The following ECE1 variants were observed in gnomAD, a reference collection of about 807,000 sequenced individuals.
ECE1 encodes the protein endothelin-converting enzyme 1.
ECE1 carries 35 observed loss-of-function variants against 98.6 expected under a neutral mutation model. That is an observed-to-expected ratio of 0.35 (90% confidence interval 0.27 to 0.47). The LOEUF (loss-of-function observed/expected upper bound fraction) is 0.47, where lower values mean the gene tolerates loss of function less well. Among genes scored for constraint, ECE1 ranks in the 20% least tolerant of loss-of-function variants. ECE1 has a pLI of 1.00. For synonymous variants in ECE1, 394 were observed against 407.1 expected (o/e 0.97, Z 0.39); for missense variants, 814 against 1,025.3 (o/e 0.79, Z 2.81).
At position 21,255,939 on chromosome 1, in the gene ECE1, C is replaced by G; in HGVS notation, c.1020+8G>C. On this transcript the variant is annotated splice_region_variant and intron_variant, in intron 8 of 18. Coordinates refer to ENST00000374893, the MANE Select transcript of ECE1 (RefSeq NM_001397.3). ...CCCAGCCTCCCTAGCAGCCGGCGCT[C>G]AAGTTACCTGCAGCTCGGCTGCCGT... The G allele has an allele frequency of 1.2e-6, 2 of 1,613,918 alleles. No individual in the cohort carries two copies.
rs565982567 is a variant in ECE1 at position 21,256,179 on chromosome 1, C to CA, written c.829-42dup. ...CCCAAACTGTCAGTGGCTGCCCCCC[C>CA]ACTATCCACTGGACGAGAGTTGGTG... On this transcript the variant is annotated intron_variant, in intron 7 of 18. Coordinates refer to ENST00000374893, the MANE Select transcript of ECE1 (RefSeq NM_001397.3). The CA allele has an allele frequency of 2.1e-5, 33 of 1,570,320 alleles. No individual in the cohort carries two copies. The African/African-American group carries it at 4.2e-4, about 20-fold the overall frequency.
In ECE1 at chr1:21,279,178, C is replaced by G. The variant is rs28367937; in HGVS notation, c.280+13G>C. The G allele has an allele frequency of 1.9e-5, 30 of 1,614,010 alleles. No individual in the cohort carries two copies. The highest frequency in any genetic ancestry group is 2.5e-5 in the Non-Finnish European group (29 of 1,180,036). On this transcript the variant is annotated intron_variant, in intron 3 of 18. Transcript: ENST00000374893. ...AGTGAGTCAAGCCCACCATGCAACA[C>G]GAAGGCACCTACTTGTCTGGTACTG...
intron 1 of ECE1, among the ~76,000 whole-genome samples, chr1:21,315,941 C>G (rs574633025): frequency 6.6e-6 from 1 of 152,184 alleles, no homozygotes; most frequent in East Asian, 1.9e-4. Context: ...GCTGTAGGAC[C>G]TTAAGAATGG....
Position 21,345,490 on chromosome 1 carries a change from C to G in ECE1, c.-112G>C, listed in dbSNP as rs1639481873. The G allele has an allele frequency of 3.8e-6, 4 of 1,041,226 alleles. No individual in the cohort carries two copies. The African/African-American group carries it at 6.7e-5, about 17-fold the overall frequency. 64.5% of individuals were successfully genotyped at this position (1,041,226 alleles called of 1,614,324 possible). Reference sequence around the variant, plus strand: ...TGCTCGGACGGCTCGGCTGCCTGGCCCAGGCGGCGCGCTCAGCTCCAGCGG... The same window carrying G: ...TGCTCGGACGGCTCGGCTGCCTGGCGCAGGCGGCGCGCTCAGCTCCAGCGG... On this transcript the variant is annotated 5_prime_UTR_variant, in exon 1 of 19. Coordinates refer to the ECE1 transcript ENST00000415912. This position sits in a 1 kb window ranked among gnomAD's most constrained non-coding sequence, Gnocchi z 5.1.
At chr1:21,326,177 C>A (rs1257718266) in intron 1 of ECE1, among the ~76,000 whole-genome samples, 1 of 152,016 alleles carries the variant, frequency 6.6e-6, no homozygotes, top group Admixed American at 6.5e-5. Context: ...CCAGACTCAG[C>A]TGCCACACAG....
chr1:21,272,660 G>A (rs373024450), intron 4 of ECE1, 39 bp downstream of exon 4: 6 of 1,611,568 alleles, frequency 3.7e-6, no homozygotes, highest in African/African-American at 2.7e-5. Flanking sequence ...ACAGCTCCCC[G>A]CTGTGGCCCA....
At chr1:21,238,423 C>T in intron 10 of ECE1, 179 bp from the exon 11 acceptor site, 1 of 646,962 alleles carries the variant, frequency 1.5e-6, no homozygotes, top group Non-Finnish European at 2.8e-6. Flanking sequence ...ACCCTCACTC[C>T]CACCCCCTGC....
Position 21,258,661 on chromosome 1 carries a change from C to T in ECE1, c.762+32G>A. 1 of 1,614,030 alleles carries T rather than the reference C, an allele frequency of 6.2e-7. No individual in the cohort carries two copies. The highest frequency in any genetic ancestry group is 8.5e-7 in the Non-Finnish European group (1 of 1,179,968). On this transcript the variant is annotated intron_variant, in intron 6 of 18. Coordinates refer to ENST00000374893, the MANE Select transcript of ECE1 (RefSeq NM_001397.3). The surrounding 1 kb of genome is among the most constrained non-coding windows in gnomAD (Gnocchi z 4.2). Reference sequence around the variant, plus strand: ...AAAACAGGAAGAGGTCGTGCCCGCCCCCTCGACCGCTGCAGGTTCAAGCTA... The same window carrying T: ...AAAACAGGAAGAGGTCGTGCCCGCCTCCTCGACCGCTGCAGGTTCAAGCTA...
chr1:21,321,186 GA>G (rs775116145), intron 1 of ECE1, among the ~76,000 whole-genome samples: 3 of 152,190 alleles, frequency 2.0e-5, no homozygotes, highest in Non-Finnish European at 2.9e-5. Flanking sequence ...AGGTTGCTCT[GA>G]CTCAAAGCCC....
chr1:21,344,287 G>A (rs571492481), intron 1 of ECE1, among the ~76,000 whole-genome samples: 2 of 152,110 alleles, frequency 1.3e-5, no homozygotes. Flanking sequence ...AGGCGCCCTC[G>A]GGCTTGGCAG....
chr1:21,291,009 C>T (rs889123072), upstream of ECE1, among the ~76,000 whole-genome samples: 2 of 152,014 alleles, frequency 1.3e-5, no homozygotes, highest in Admixed American at 1.3e-4. Context: ...GGTGGTCACC[C>T]CCGTGCTCAA....
intron 3 of ECE1, among the ~76,000 whole-genome samples, chr1:21,278,694 G>C (rs1219176944): frequency 6.6e-6 from 1 of 152,146 alleles, no homozygotes; most frequent in Non-Finnish European, 1.5e-5. Context: ...TTTGGTCCGA[G>C]GAAATAATTC....
chr1:21,317,246 C>A (rs1350661598), intron 1 of ECE1, among the ~76,000 whole-genome samples: 2 of 152,172 alleles, frequency 1.3e-5, no homozygotes, highest in Admixed American at 6.5e-5. Flanking sequence ...TGCTGCCATG[C>A]GATCCTAGTC....
intron 10 of ECE1, among the ~76,000 whole-genome samples, chr1:21,241,606 A>T (rs1249047906): frequency 6.6e-6 from 1 of 152,020 alleles, no homozygotes; most frequent in Non-Finnish European, 1.5e-5. Context: ...TAGTTTTAGT[A>T]GAGGCGGGCT....
intron 1 of ECE1, among the ~76,000 whole-genome samples, chr1:21,315,498 T>C (rs1183422650): frequency 6.6e-6 from 1 of 152,022 alleles, no homozygotes; most frequent in Non-Finnish European, 1.5e-5. Context: ...AACTAGGCAT[T>C]AAAAGCTGCT....
intron 2 of ECE1, among the ~76,000 whole-genome samples, chr1:21,283,430 C>T (rs997570115): frequency 1.3e-5 from 2 of 151,888 alleles, no homozygotes; most frequent in African/African-American, 4.8e-5. Flanking sequence ...GCCACCACGC[C>T]GGGCTAATTT....
chr1:21,285,129 C>T (rs2098259123), intron 2 of ECE1, among the ~76,000 whole-genome samples: 1 of 152,194 alleles, frequency 6.6e-6, no homozygotes, highest in Non-Finnish European at 1.5e-5. Context: ...GCCTTGTCTG[C>T]TACCCCACCC....
At chr1:21,334,817 T>A (rs1639275337) in intron 1 of ECE1, among the ~76,000 whole-genome samples, 1 of 152,088 alleles carries the variant, frequency 6.6e-6, no homozygotes, top group South Asian at 2.1e-4. Context: ...AAATCCCAGA[T>A]CCTGCAGAAA....
chr1:21,317,174 G>C (rs973150735), intron 1 of ECE1, among the ~76,000 whole-genome samples: 4 of 152,164 alleles, frequency 2.6e-5, no homozygotes, highest in African/African-American at 9.7e-5. Flanking sequence ...ATATGTCTGA[G>C]ATATTTTGCT....
Sources: gnomAD v4.1 joint callset for allele counts (sites outside exome capture counted in the v4.1 genomes callset) on GRCh38, gnomAD v4.1.1 for gene constraint, Gnocchi (gnomAD v3.1) non-coding constraint, MANE v1.5 for transcripts, NCBI Gene and HGNC (gene_info 2026-07-23, HGNC 2026-07-21) for gene names.